The following SLC1A6 variants were observed in gnomAD, a reference collection of about 807,000 sequenced individuals.
The protein encoded by SLC1A6 is excitatory amino acid transporter 4.
SLC1A6 carries 15 observed loss-of-function variants against 42.1 expected under a neutral mutation model. The ratio of observed to expected loss-of-function variants is 0.36; its 90% CI spans 0.24 to 0.55. SLC1A6 has a LOEUF of 0.55. Ranked by LOEUF, SLC1A6 falls within the 20% of genes least tolerant of loss-of-function variation. SLC1A6 has a pLI of 0.88. For synonymous variants in SLC1A6, 317 were observed against 319.7 expected (o/e 0.99, Z 0.09); for missense variants, 542 against 772.5 (o/e 0.70, Z 3.54).
chr19:15,004,658 C>G (rs760580969), intron 1 of SLC1A6, among the ~76,000 whole-genome samples: 1 of 151,240 alleles, frequency 6.6e-6, no homozygotes, highest in Non-Finnish European at 1.5e-5. Context: ...AAGATTGTGC[C>G]ACTTCATTTC....
At chr19:14,999,440 A>C (rs1302013440) in intron 1 of SLC1A6, among the ~76,000 whole-genome samples, 4 of 152,178 alleles carry the variant, frequency 2.6e-5, no homozygotes, top group Non-Finnish European at 4.4e-5. Context: ...ACATGTATTG[A>C]CTGATGTCTC....
At chr19:14,973,135 T>C (rs1026794087) in intron 1 of SLC1A6, 1 of 544,180 alleles carries the variant, frequency 1.8e-6, no homozygotes, top group Admixed American at 3.4e-5. Context: ...CCTGGGCAGC[T>C]AGGGGTGGTA....
rs56317513 is a variant in SLC1A6, at chr19:14,979,050, TCACACACACACACACACA to T, written c.-8+241_-8+258del. ...CAAATTCAGTCTCTCTCTCTCTCTG[TCACACACACACACACACA>T]CACACACACACACACACACACACAC... On this transcript the variant is annotated intron_variant, in intron 1 of 9. Transcript: ENST00000594383. The surrounding 1 kb of genome is among the most constrained non-coding windows in gnomAD (Gnocchi z 4.2). 1.1e-3 allele frequency among the ~76,000 whole-genome samples: 150 copies of T among 131,404 alleles called. 4 individuals carry two copies. In the East Asian group the frequency reaches 0.027, roughly 23 times the overall value. 86.2% of individuals were successfully genotyped at this position (131,404 alleles called of 152,430 possible).
chr19:14,972,022 G>C (rs2145202957), intron 2 of SLC1A6, 148 bp from the exon 3 acceptor site: 1 of 683,276 alleles, frequency 1.5e-6, no homozygotes, highest in Non-Finnish European at 2.4e-6. Flanking sequence ...GCACTGATGT[G>C]TGCAGACATT....
chr19:14,997,872 A>G (rs2045854417), intron 1 of SLC1A6, among the ~76,000 whole-genome samples: 1 of 152,088 alleles, frequency 6.6e-6, no homozygotes, highest in Admixed American at 6.6e-5. Flanking sequence ...CCCTTGCCTC[A>G]TTCTAGTTTC....
chr19:14,983,512 T>A (rs2045777888), upstream of SLC1A6, among the ~76,000 whole-genome samples: 1 of 151,118 alleles, frequency 6.6e-6, no homozygotes, highest in South Asian at 2.1e-4. Context: ...ATATTGAGAC[T>A]CCCCCATCTC....
intron 4 of SLC1A6, among the ~76,000 whole-genome samples, chr19:14,964,762 CT>C (rs1429932580): frequency 1.3e-5 from 2 of 152,168 alleles, no homozygotes; most frequent in Non-Finnish European, 2.9e-5. Context: ...CTCTTAAACC[CT>C]TTTAACTTTA....
chr19:14,984,085 G>A (rs149607886), upstream of SLC1A6, among the ~76,000 whole-genome samples: 229 of 152,140 alleles, frequency 1.5e-3, 3 homozygotes, highest in African/African-American at 5.2e-3. Context: ...TGAGGCGGGC[G>A]GATCATCTGA....
At chr19:14,988,823 G>C (rs2045804981) in intron 1 of SLC1A6, among the ~76,000 whole-genome samples, 1 of 152,112 alleles carries the variant, frequency 6.6e-6, no homozygotes, top group African/African-American at 2.4e-5. Flanking sequence ...GAGACGACCA[G>C]CCTGGGCAGC....
At chr19:14,955,211 A>C (rs1292023352) in intron 7 of SLC1A6, among the ~76,000 whole-genome samples, 1 of 152,144 alleles carries the variant, frequency 6.6e-6, no homozygotes, top group African/African-American at 2.4e-5. Flanking sequence ...TAATTCTAGG[A>C]TACAGTGACA....
Position 14,954,289 on chromosome 19 carries a change from C to T in SLC1A6, c.1210G>A (p.Gly404Ser), listed in dbSNP as rs1340288463. 1 of 1,612,474 alleles carries T rather than the reference C, an allele frequency of 6.2e-7. No individual in the cohort carries two copies. The highest frequency in any genetic ancestry group is 8.5e-7 in the Non-Finnish European group (1 of 1,180,012). Residue 404 changes from glycine to serine, a missense_variant, in exon 8 of 10, where the codon GGC (glycine) becomes AGC (serine). Gly to Ser is a moderately conservative substitution (Grantham distance 56). Transcript: ENST00000594383. ...LPITFRCLEEGLGVDRRITRF... is the reference protein window; with the variant it reads ...LPITFRCLEESLGVDRRITRF... ...GTGATGCGGCGGTCCACACCCAGGC[C>T]CTCCTCCAGGCAGCGGAAGGTGATG...
chr19:14,952,710 C>T (rs1355313742), intron 9 of SLC1A6, among the ~76,000 whole-genome samples: 2 of 152,014 alleles, frequency 1.3e-5, no homozygotes, highest in Non-Finnish European at 2.9e-5. Context: ...TAGGTAAAGC[C>T]CCCATTGCTT....
chr19:15,006,436 T>C (rs1220000767), intron 1 of SLC1A6, among the ~76,000 whole-genome samples: 1 of 152,124 alleles, frequency 6.6e-6, no homozygotes, highest in African/African-American at 2.4e-5. Context: ...CAAGCCTCCA[T>C]CGCCAAAGGT....
intron 5 of SLC1A6, 91 bp from the exon 6 acceptor site, chr19:14,962,436 C>T: frequency 1.2e-6 from 1 of 843,894 alleles, no homozygotes; most frequent in South Asian, 1.6e-5. Context: ...ATTCCCAGTT[C>T]CCACACCCTG....
intron 1 of SLC1A6, among the ~76,000 whole-genome samples, chr19:14,987,196 C>T (rs1042047647): frequency 1.3e-5 from 2 of 152,020 alleles, no homozygotes; most frequent in African/African-American, 2.4e-5. Context: ...GGGCTGGATG[C>T]GGTGGCTCAC....
intron 1 of SLC1A6, among the ~76,000 whole-genome samples, chr19:15,006,775 A>AAAAAG (rs1280825250): frequency 7.0e-6 from 1 of 142,638 alleles, no homozygotes; most frequent in Non-Finnish European, 1.5e-5. Flanking sequence ...AAAAAAAAAG[A>AAAAAG]AAAAGAAAAG....
At chr19:14,959,079 T>C (rs1050889214) in intron 6 of SLC1A6, among the ~76,000 whole-genome samples, 1 of 152,252 alleles carries the variant, frequency 6.6e-6, no homozygotes, top group Non-Finnish European at 1.5e-5. Flanking sequence ...CTATCCTATG[T>C]AGGTGTTAGA....
At chr19:14,989,639 A>G (rs1180353577) in intron 1 of SLC1A6, among the ~76,000 whole-genome samples, 4 of 152,040 alleles carry the variant, frequency 2.6e-5, no homozygotes, top group African/African-American at 9.7e-5. Context: ...GTTGGTGGGA[A>G]TGTAAATTAG....
intron 1 of SLC1A6, among the ~76,000 whole-genome samples, chr19:14,976,036 T>G (rs1231392625): frequency 6.6e-6 from 1 of 152,154 alleles, no homozygotes; most frequent in Non-Finnish European, 1.5e-5. Context: ...CCAGGCATAC[T>G]GAGAATTCTG....
Sources: gnomAD v4.1 joint callset for allele counts (sites outside exome capture counted in the v4.1 genomes callset) on GRCh38, gnomAD v4.1.1 for gene constraint, Gnocchi (gnomAD v3.1) non-coding constraint, MANE v1.5 for transcripts, NCBI Gene and HGNC (gene_info 2026-07-23, HGNC 2026-07-21) for gene names.